Variants in GALNT9 observed in about 807,000 individuals in gnomAD.
GALNT9 encodes GalNAc transferase 9.
In GALNT9, 47 loss-of-function variants were observed where a neutral mutation model predicts 63.1. The ratio of observed to expected loss-of-function variants is 0.75; its 90% CI spans 0.59 to 0.95. GALNT9 has a LOEUF of 0.95. GALNT9 is among the 40% of genes least tolerant of loss of function. GALNT9 has a pLI of 0.00. For synonymous variants in GALNT9, 396 were observed against 365.7 expected (o/e 1.08, Z -0.94); for missense variants, 829 against 874.8 (o/e 0.95, Z 0.66).
chr12:132,237,038 C>T (rs1878028981), intron 6 of GALNT9, among the ~76,000 whole-genome samples: 1 of 152,158 alleles, frequency 6.6e-6, no homozygotes, highest in Admixed American at 6.5e-5. Flanking sequence ...GTCCTCTTCT[C>T]CACTGGACTT....
chr12:132,276,956 GTACA>G (rs1350394129), intron 2 of GALNT9, among the ~76,000 whole-genome samples: 3 of 151,866 alleles, frequency 2.0e-5, no homozygotes, highest in Middle Eastern at 6.8e-3. Flanking sequence ...ACACACACAT[GTACA>G]TACATCTCAC....
intron 8 of GALNT9, chr12:132,200,905 C>T (rs1565981639): frequency 1.8e-6 from 1 of 561,102 alleles, no homozygotes; most frequent in South Asian, 2.1e-5. Flanking sequence ...TGAACCTGCA[C>T]CTTGTGTGTG....
At chr12:132,237,620 A>G (rs1878053332) in intron 6 of GALNT9, among the ~76,000 whole-genome samples, 1 of 151,666 alleles carries the variant, frequency 6.6e-6, no homozygotes, top group South Asian at 2.1e-4. Context: ...ACCTGCTCAC[A>G]CCACACACCT....
intron 7 of GALNT9, among the ~76,000 whole-genome samples, chr12:132,202,121 T>C (rs1432956778): frequency 6.6e-6 from 1 of 152,234 alleles, no homozygotes; most frequent in Non-Finnish European, 1.5e-5. Context: ...GTGGGGACGA[T>C]CACGCCAGAA....
chr12:132,222,625 A>T (rs1877492398), intron 6 of GALNT9, among the ~76,000 whole-genome samples: 1 of 151,940 alleles, frequency 6.6e-6, no homozygotes. Context: ...TGCGTGGAGC[A>T]CTCAGGCTNG....
chr12:132,216,564 A>G (rs1316964054), intron 6 of GALNT9, among the ~76,000 whole-genome samples: 1 of 152,236 alleles, frequency 6.6e-6, no homozygotes, highest in Non-Finnish European at 1.5e-5. Context: ...GTCCACAGGC[A>G]GGCGGCACTG....
intron 1 of GALNT9, among the ~76,000 whole-genome samples, chr12:132,328,270 G>A (rs1869129490): frequency 6.6e-6 from 1 of 152,114 alleles, no homozygotes; most frequent in South Asian, 2.1e-4. Flanking sequence ...ACCGGGAGCT[G>A]GAGGCTTTCA....
intron 1 of GALNT9, among the ~76,000 whole-genome samples, chr12:132,309,701 G>A (rs868991415): frequency 9.9e-5 from 15 of 152,240 alleles, no homozygotes; most frequent in African/African-American, 3.1e-4. Context: ...TGCCGGCACC[G>A]TGACTTTGGA....
At position 132,327,858 on chromosome 12, in the gene GALNT9, T is replaced by G. The variant is rs1593128614; in HGVS notation, c.238+1108A>C. ...TGCAGCCCACCCTCAAGAGAGGGTG[T>G]GGCTCCTGAAGGAAACGCAAGACCA... On this transcript the variant is annotated intron_variant, in intron 1 of 10. Transcript: ENST00000328957. The surrounding 1 kb of genome is among the most constrained non-coding windows in gnomAD (Gnocchi z 4.3). 6.9e-6 allele frequency among the ~76,000 whole-genome samples: 1 copy of G among 143,916 alleles called. No individual in the cohort carries two copies. Among genetic ancestry groups the G allele is most frequent in the South Asian group, 2.2e-4 (1 of 4,478 alleles). 94.4% of individuals were successfully genotyped at this position (143,916 alleles called of 152,430 possible).
intron 2 of GALNT9, among the ~76,000 whole-genome samples, chr12:132,263,638 C>T (rs77686873): frequency 0.069 from 10,497 of 152,230 alleles, 1,200 homozygotes; most frequent in African/African-American, 0.24. Context: ...GTGACCGGAA[C>T]GTGAGCGCCC....
chr12:132,202,746 T>G (rs537491248), intron 7 of GALNT9, among the ~76,000 whole-genome samples: 1 of 151,368 alleles, frequency 6.6e-6, no homozygotes, highest in East Asian at 1.9e-4. Context: ...AGGAAGGGGG[T>G]GGTTCCAGAG....
intron 5 of GALNT9, among the ~76,000 whole-genome samples, chr12:132,257,168 T>G (rs1555239150): frequency 6.6e-6 from 1 of 152,202 alleles, no homozygotes; most frequent in Non-Finnish European, 1.5e-5. Context: ...TTTCACTGAT[T>G]TTTAAAATGT....
At chr12:132,259,787 C>T (rs1229108250) in intron 4 of GALNT9, among the ~76,000 whole-genome samples, 7 of 152,352 alleles carry the variant, frequency 4.6e-5, no homozygotes, top group Admixed American at 3.3e-4. Flanking sequence ...GCCCTTCCCA[C>T]CAAGGCCCCC....
intron 6 of GALNT9, among the ~76,000 whole-genome samples, chr12:132,207,626 G>C (rs1322000733): frequency 6.6e-6 from 1 of 152,190 alleles, no homozygotes; most frequent in Admixed American, 6.5e-5. Flanking sequence ...CTACGGGAGA[G>C]GCGAGGCTCC....
At chr12:132,291,640 T>G (rs1450068302) in intron 1 of GALNT9, among the ~76,000 whole-genome samples, 3 of 136,980 alleles carry the variant, frequency 2.2e-5, no homozygotes, top group Non-Finnish European at 4.8e-5. Flanking sequence ...ACCACCCACA[T>G]CCACAGCACC....
chr12:132,315,856 G>T lies in GALNT9; in HGVS notation c.238+13110C>A, dbSNP rs1868484751. Reference sequence around the variant, plus strand: ...CGGCCTCAGGGGAAGACCCCTCTATGCTGGGGCTGCAATAAACCCCTGTGC... The same window carrying T: ...CGGCCTCAGGGGAAGACCCCTCTATTCTGGGGCTGCAATAAACCCCTGTGC... On this transcript the variant is annotated intron_variant, in intron 1 of 10. Transcript: ENST00000328957. The surrounding 1 kb of genome is among the most constrained non-coding windows in gnomAD (Gnocchi z 6.1). Among the ~76,000 whole-genome samples the T allele has an allele frequency of 2.0e-5, 3 of 152,200 alleles. No individual in the cohort carries two copies. The South Asian group carries it at 6.2e-4, about 32-fold the overall frequency.
At chr12:132,230,263 G>A (rs1365017756) in intron 6 of GALNT9, among the ~76,000 whole-genome samples, 1 of 152,218 alleles carries the variant, frequency 6.6e-6, no homozygotes, top group East Asian at 1.9e-4. Flanking sequence ...TGTGAGCCTT[G>A]TGATGGGGGC....
intron 2 of GALNT9, among the ~76,000 whole-genome samples, chr12:132,267,754 CTCACACACACAT>C (rs1879661413): frequency 1.5e-5 from 2 of 133,162 alleles, no homozygotes; most frequent in African/African-American, 7.9e-5. Context: ...AGCACACACA[CTCACACACACAT>C]GCACTCACAC....
At chr12:132,229,447 C>A (rs944237143) in intron 6 of GALNT9, among the ~76,000 whole-genome samples, 47 of 152,392 alleles carry the variant, frequency 3.1e-4, no homozygotes, top group African/African-American at 1.1e-3. Flanking sequence ...TGCCCTGGCA[C>A]GAGCACTTTA....
Sources: allele counts gnomAD v4.1 joint callset (sites outside exome capture counted in the v4.1 genomes callset), GRCh38; gene constraint gnomAD v4.1.1; non-coding constraint Gnocchi (gnomAD v3.1); transcripts MANE v1.5; gene names NCBI Gene and HGNC (gene_info 2026-07-23, HGNC 2026-07-21).